Variants in MAD1L1 observed in about 807,000 individuals in gnomAD.
The protein encoded by MAD1L1 is mitotic spindle assembly checkpoint protein MAD1.
A neutral mutation model predicts 96.9 loss-of-function variants in MAD1L1; 95 were observed. The observed-to-expected ratio is 0.98, with a 90% CI of 0.83 to 1.16. The LOEUF (loss-of-function observed/expected upper bound fraction) is 1.16, where lower values mean the gene tolerates loss of function less well. Ranked by LOEUF, MAD1L1 falls within the 50% of genes most tolerant of loss-of-function variation. MAD1L1 has a pLI of 0.00. For missense variants in MAD1L1, 1,007 were observed against 954.4 expected (o/e 1.06, Z -0.73); for synonymous variants, 473 against 396.6 (o/e 1.19, Z -2.29).
Position 2,216,201 on chromosome 7 carries a change from C to T in MAD1L1, c.765G>A (p.Leu255=), listed in dbSNP as rs1442403871. ...MKSELVRLPR[L]ERELKQLREE... ...CCCGCAGCTGCTTCAGCTCCCGTTC[C>T]AGCCTAGGGAGCCGTACCAGCTCAG... Residue 255 remains leucine (L), a synonymous_variant, in exon 8 of 19, where the codon CTG becomes CTA. Transcript: ENST00000265854. The T allele has an allele frequency of 1.9e-6, 3 of 1,613,890 alleles. No individual in the cohort carries two copies. The Admixed American group carries it at 5.0e-5, about 27-fold the overall frequency.
chr7:1,928,308 C>T (rs1789212727), intron 17 of MAD1L1, among the ~76,000 whole-genome samples: 2 of 151,668 alleles, frequency 1.3e-5, no homozygotes, highest in Non-Finnish European at 2.9e-5. Flanking sequence ...TGACACTGCT[C>T]CCGACGACCC....
At chr7:1,886,781 G>C (rs181665913) in intron 18 of MAD1L1, among the ~76,000 whole-genome samples, 1 of 152,392 alleles carries the variant, frequency 6.6e-6, no homozygotes, top group East Asian at 1.9e-4. Flanking sequence ...CAGACAGGCA[G>C]AGACCTGCTG....
chr7:2,225,822 T>C (rs1281218395), intron 3 of MAD1L1, among the ~76,000 whole-genome samples: 4 of 152,252 alleles, frequency 2.6e-5, no homozygotes, highest in Non-Finnish European at 5.9e-5. Context: ...CCCATTTATT[T>C]ACCAGCCAAC....
Position 1,967,783 on chromosome 7 carries a change from G to A in MAD1L1, c.1506-10064C>T, listed in dbSNP as rs533307716. On this transcript the variant is annotated intron_variant, in intron 15 of 18. Coordinates refer to ENST00000265854, the MANE Select transcript of MAD1L1 (RefSeq NM_001013836.2). Reference sequence around the variant, plus strand: ...GCCGGCCGCGGGGAGATCACGCAGCGAAACAAGTCCCGCTGCATGCACCGG... The same window carrying A: ...GCCGGCCGCGGGGAGATCACGCAGCAAAACAAGTCCCGCTGCATGCACCGG... Among the ~76,000 whole-genome samples, 39 of 152,326 alleles carry A rather than the reference G, an allele frequency of 2.6e-4. No homozygotes were observed. In the South Asian group the frequency reaches 5.2e-3, roughly 20 times the overall value.
At chr7:2,039,186 T>C (rs920787766) in intron 12 of MAD1L1, among the ~76,000 whole-genome samples, 2 of 152,244 alleles carry the variant, frequency 1.3e-5, no homozygotes, top group African/African-American at 2.4e-5. Context: ...TATTCAAGTA[T>C]GTTTATCCAC....
intron 15 of MAD1L1, among the ~76,000 whole-genome samples, chr7:1,973,185 C>T (rs763775533): frequency 1.3e-5 from 2 of 152,202 alleles, no homozygotes; most frequent in East Asian, 1.9e-4. Flanking sequence ...CACTCAGTTC[C>T]GTCAGTCGTG....
intron 10 of MAD1L1, among the ~76,000 whole-genome samples, chr7:2,165,032 A>T (rs1790356954): frequency 6.6e-6 from 1 of 152,086 alleles, no homozygotes; most frequent in African/African-American, 2.4e-5. Context: ...GATTCAACGA[A>T]ACAAAAGGTG....
At chr7:1,887,973 ATGTG>A (rs368161393) in intron 18 of MAD1L1, among the ~76,000 whole-genome samples, 3 of 54,766 alleles carry the variant, frequency 5.5e-5, no homozygotes, top group South Asian at 6.6e-4. Context: ...CTGCCTATGC[ATGTG>A]TGTGTGCATG....
At chr7:1,849,830 T>C (rs4721112) in intron 18 of MAD1L1, 98,536 of 152,070 alleles carry the variant, frequency 0.65, 32,138 homozygotes, top group South Asian at 0.8. Flanking sequence ...GACGGCGCGG[T>C]GCCCGACACC....
At chr7:1,948,195 C>A (rs898531267) in intron 16 of MAD1L1, among the ~76,000 whole-genome samples, 2 of 152,152 alleles carry the variant, frequency 1.3e-5, no homozygotes, top group African/African-American at 4.8e-5. Context: ...CTCCAGCACA[C>A]GCACCATGGC....
intron 18 of MAD1L1, chr7:1,847,326 G>C (rs941029579): frequency 4.2e-6 from 2 of 470,994 alleles, no homozygotes; most frequent in Non-Finnish European, 8.8e-6. Context: ...CAGCAAACCA[G>C]GCATGGCAGG....
At chr7:2,120,868 G>A (rs1413697982) in intron 11 of MAD1L1, among the ~76,000 whole-genome samples, 1 of 152,194 alleles carries the variant, frequency 6.6e-6, no homozygotes, top group Non-Finnish European at 1.5e-5. Flanking sequence ...ATCAGAAAAG[G>A]ATCCCAACAG....
intron 12 of MAD1L1, among the ~76,000 whole-genome samples, chr7:2,046,337 C>G (rs1332913468): frequency 6.6e-5 from 10 of 152,174 alleles, no homozygotes. Flanking sequence ...CCAAAGGCCC[C>G]CACAACCTCA....
intron 18 of MAD1L1, among the ~76,000 whole-genome samples, chr7:1,862,933 A>T (rs1314434205): frequency 6.6e-6 from 1 of 152,246 alleles, no homozygotes; most frequent in Non-Finnish European, 1.5e-5. Flanking sequence ...TCAGGGTCCC[A>T]TGGGCACTAG....
chr7:2,225,112 C>T lies in MAD1L1; in HGVS notation c.291+298G>A, dbSNP rs539031896. On this transcript the variant is annotated intron_variant, in intron 4 of 18. Coordinates refer to ENST00000265854, the MANE Select transcript of MAD1L1 (RefSeq NM_001013836.2). ...CCCTCCTCTAGGACATCAAGCATAACTGATACCTGCCCCACAGCATGAGTG... is the reference window on the plus strand; with the variant it reads ...CCCTCCTCTAGGACATCAAGCATAATTGATACCTGCCCCACAGCATGAGTG... Among the ~76,000 whole-genome samples, 37 of 152,336 alleles carry T rather than the reference C, an allele frequency of 2.4e-4. No individual in the cohort carries two copies. In the South Asian group the frequency reaches 7.7e-3, roughly 32 times the overall value.
At chr7:2,098,767 C>T (rs1786630021) in intron 11 of MAD1L1, among the ~76,000 whole-genome samples, 1 of 152,222 alleles carries the variant, frequency 6.6e-6, no homozygotes, top group Non-Finnish European at 1.5e-5. Flanking sequence ...AAGATCTACA[C>T]ACCACAGGGC....
intron 12 of MAD1L1, among the ~76,000 whole-genome samples, chr7:2,056,394 C>CCTCTGCTCTG (rs60120786): frequency 0.043 from 6,514 of 151,584 alleles, 223 homozygotes; most frequent in African/African-American, 0.086. Context: ...GGATGGAGGC[C>CCTCTGCTCTG]CTCTGCTCTG....
intron 12 of MAD1L1, among the ~76,000 whole-genome samples, chr7:2,051,835 C>T (rs1211756094): frequency 6.9e-6 from 1 of 144,950 alleles, no homozygotes; most frequent in Non-Finnish European, 1.5e-5. Flanking sequence ...CTGCCTGGGG[C>T]CCCTGAGGGC....
chr7:1,934,062 C>T (rs761426354), intron 17 of MAD1L1, among the ~76,000 whole-genome samples: 28 of 152,252 alleles, frequency 1.8e-4, no homozygotes, highest in Non-Finnish European at 4.0e-4. Context: ...TTACATAAAA[C>T]AGAGGCCACC....
Sources: gnomAD v4.1 joint callset for allele counts (sites outside exome capture counted in the v4.1 genomes callset) on GRCh38, gnomAD v4.1.1 for gene constraint, MANE v1.5 for transcripts, NCBI Gene and HGNC (gene_info 2026-07-23, HGNC 2026-07-21) for gene names.